Variants in COL18A1 observed in about 807,000 individuals in gnomAD.
COL18A1 encodes collagen type XVIII alpha 1 chain.
Under a neutral mutation model 168.0 loss-of-function variants are expected in COL18A1, and 133 were observed. The ratio of observed to expected loss-of-function variants is 0.79; its 90% CI spans 0.69 to 0.91. The LOEUF is 0.91. COL18A1 is among the 40% of genes least tolerant of loss of function. COL18A1 has a pLI of 0.00. For synonymous variants in COL18A1, 949 were observed against 809.0 expected (o/e 1.17, Z -2.94); for missense variants, 2,126 against 1,925.4 (o/e 1.10, Z -1.95).
intron 38 of COL18A1, 48 bp from the exon 39 acceptor site, chr21:45,509,308 C>A: frequency 1.3e-6 from 2 of 1,535,270 alleles, no homozygotes; most frequent in Admixed American, 3.9e-5. Context: ...GGAGGAGGGG[C>A]ACCCGGAGGG....
rs2034863212 is a variant in COL18A1, at chr21:45,457,196, CAG to C, written c.107-11043_107-11042del. On this transcript the variant is annotated intron_variant, in intron 2 of 41. Coordinates refer to ENST00000651438, the MANE Select transcript of COL18A1 (RefSeq NM_001379500.1). This position sits in a 1 kb window ranked among gnomAD's most constrained non-coding sequence, Gnocchi z 4.6. ...AGATACCCTGCCATGCCCCGAGTCA[CAG>C]AGGGGAAACTGAGGCGTGGGGCAGT... Among the ~76,000 whole-genome samples the C allele has an allele frequency of 6.6e-6, 1 of 152,214 alleles. No individual in the cohort carries two copies. The highest frequency in any genetic ancestry group is 2.4e-5 in the African/African-American group (1 of 41,452).
intron 15 of COL18A1, among the ~76,000 whole-genome samples, chr21:45,486,653 C>T (rs2036124188): frequency 6.6e-6 from 1 of 152,252 alleles, no homozygotes; most frequent in East Asian, 1.9e-4. Context: ...CTCCGTGGCT[C>T]TCTCCTCAGT....
In COL18A1 at chr21:45,495,392, AAG is replaced by A; in HGVS notation, c.2469_2470del (p.Glu825AlafsTer38). 1 of 1,611,792 alleles carries A rather than the reference AAG, an allele frequency of 6.2e-7. No homozygotes were observed. Among genetic ancestry groups the A allele is most frequent in the Non-Finnish European group, 8.5e-7 (1 of 1,179,078 alleles). Reference sequence around the variant, plus strand: ...GGGATGAACGGATTGAAAGGAGAGAAAGGGGAGCCGGGAGATGCCAGCCTTGG... The same window carrying A: ...GGGATGAACGGATTGAAAGGAGAGAAGGGAGCCGGGAGATGCCAGCCTTGG... On this transcript the variant is annotated frameshift_variant, in exon 29 of 42. Transcript: ENST00000651438. LOFTEE classifies it high-confidence loss of function.
intron 2 of COL18A1, among the ~76,000 whole-genome samples, chr21:45,412,697 G>C (rs1003295819): frequency 6.6e-6 from 1 of 152,248 alleles, no homozygotes; most frequent in African/African-American, 2.4e-5. Flanking sequence ...CTGTGGTGCA[G>C]GTCTGCTGAG....
At chr21:45,435,045 C>T (rs2034063076) in intron 2 of COL18A1, among the ~76,000 whole-genome samples, 1 of 151,976 alleles carries the variant, frequency 6.6e-6, no homozygotes, top group African/African-American at 2.4e-5. Flanking sequence ...CCTGGAGCAC[C>T]AAGGGCTGAA....
At chr21:45,407,910 T>C (rs922800658) in intron 2 of COL18A1, 1 of 152,272 alleles carries the variant, frequency 6.6e-6, no homozygotes, top group African/African-American at 2.4e-5. Context: ...TGGGCTTCAG[T>C]GACCTGGGTT....
intron 2 of COL18A1, among the ~76,000 whole-genome samples, chr21:45,464,730 C>A (rs78887999): frequency 0.015 from 2,308 of 152,292 alleles, 54 homozygotes; most frequent in East Asian, 0.093. Context: ...CCTTCTTCCC[C>A]CTTCAAAGCC....
At chr21:45,492,858 A>G (rs756036083) in intron 24 of COL18A1, 145 bp downstream of exon 24, 4 of 774,622 alleles carry the variant, frequency 5.2e-6, no homozygotes, top group Non-Finnish European at 8.9e-6. Flanking sequence ...AAATGATGGG[A>G]GTGGGATGTG....
At chr21:45,448,408 T>G (rs1171755012) in intron 2 of COL18A1, among the ~76,000 whole-genome samples, 2 of 152,252 alleles carry the variant, frequency 1.3e-5, no homozygotes, top group African/African-American at 4.8e-5. Context: ...TGTGTGCACA[T>G]GTACATACCC....
intron 17 of COL18A1, 179 bp downstream of exon 17, chr21:45,487,688 C>T: frequency 1.3e-6 from 1 of 776,624 alleles, no homozygotes. Flanking sequence ...TCGGAGATGC[C>T]CCTTCATTGA....
chr21:45,479,623 G>C (rs1463519115), intron 9 of COL18A1, among the ~76,000 whole-genome samples: 1 of 151,852 alleles, frequency 6.6e-6, no homozygotes, highest in African/African-American at 2.4e-5. Flanking sequence ...ACACATGTAT[G>C]TAACACCCAA....
intron 2 of COL18A1, among the ~76,000 whole-genome samples, chr21:45,433,859 T>C (rs1830837717): frequency 6.6e-6 from 1 of 152,190 alleles, no homozygotes; most frequent in Admixed American, 6.5e-5. Context: ...TGGCATGGCA[T>C]GACAGGCTGA....
rs2033685120 is a variant in COL18A1 at position 45,423,372 on chromosome 21, C to T, written c.106+17899C>T. 1.3e-5 allele frequency among the ~76,000 whole-genome samples: 2 copies of T among 152,242 alleles called. No homozygotes were observed. Among genetic ancestry groups the T allele is most frequent in the South Asian group, 4.1e-4 (2 of 4,836 alleles). ...ACATTCCCCGAGCTTCCACAGTTTC[C>T]CTTTCCTTGCTGCTGTATTCAGTGA... On this transcript the variant is annotated intron_variant, in intron 2 of 41. Coordinates refer to ENST00000651438, the MANE Select transcript of COL18A1 (RefSeq NM_001379500.1). The surrounding 1 kb of genome is among the most constrained non-coding windows in gnomAD (Gnocchi z 4.0).
chr21:45,504,619 C>T (rs2037074404), intron 34 of COL18A1, 63 bp downstream of exon 34: 2 of 1,461,832 alleles, frequency 1.4e-6, no homozygotes, highest in South Asian at 1.2e-5. Context: ...GAGCCGAGGG[C>T]AGGTCCAGCC....
intron 2 of COL18A1, among the ~76,000 whole-genome samples, chr21:45,452,921 G>A (rs911885606): frequency 2.0e-5 from 3 of 151,734 alleles, no homozygotes; most frequent in Non-Finnish European, 2.9e-5. Flanking sequence ...ATGTGTGTGA[G>A]TATTCACATG....
At chr21:45,480,636 GGGT>G (rs1178517917) in intron 12 of COL18A1, 61 bp from the exon 13 acceptor site, 1 of 1,611,768 alleles carries the variant, frequency 6.2e-7, no homozygotes, top group Non-Finnish European at 8.5e-7. Context: ...CCCGTTCTGG[GGGT>G]GGTGGTCATC....
In COL18A1 at chr21:45,471,507, C is replaced by T. The variant is rs1419773579; in HGVS notation, c.652-2388C>T. On this transcript the variant is annotated intron_variant, in intron 3 of 41. Transcript: ENST00000651438. The surrounding 1 kb of genome is among the most constrained non-coding windows in gnomAD (Gnocchi z 4.4). The stretch of plus-strand genomic sequence containing the variant: ...AGCCTCTCCACAAGACTGCATCGAC[C>T]CTGGCGCTGCCACAGATGGTGCCTG... Among the ~76,000 whole-genome samples the T allele has an allele frequency of 2.0e-5, 3 of 152,178 alleles. No homozygotes were observed. The highest frequency in any genetic ancestry group is 6.5e-5 in the Admixed American group (1 of 15,284).
At position 45,456,249 on chromosome 21, in the gene COL18A1, G is replaced by T. The variant is rs1193499831; in HGVS notation, c.107-11993G>T. The T allele has an allele frequency of 3.2e-6, 5 of 1,578,912 alleles. No individual in the cohort carries two copies. The South Asian group carries it at 5.7e-5, about 18-fold the overall frequency. On this transcript the variant is annotated intron_variant, in intron 2 of 41. Coordinates refer to ENST00000651438, the MANE Select transcript of COL18A1 (RefSeq NM_001379500.1). ...AGCCTGCAGGACCCAGACAGCCAAG[G>T]ACTCTCGCCCGCCGCAGCCGCTCCC...
chr21:45,509,859 G>A (rs574517526), intron 39 of COL18A1, among the ~76,000 whole-genome samples: 97 of 152,332 alleles, frequency 6.4e-4, no homozygotes, highest in African/African-American at 2.3e-3. Context: ...GCAGCTGGGG[G>A]CACCCACGTG....
Sources: gnomAD v4.1 joint callset for allele counts (sites outside exome capture counted in the v4.1 genomes callset) on GRCh38, gnomAD v4.1.1 for gene constraint, Gnocchi (gnomAD v3.1) non-coding constraint, MANE v1.5 for transcripts, NCBI Gene and HGNC (gene_info 2026-07-23, HGNC 2026-07-21) for gene names.